Variants in PXYLP1 observed in about 807,000 individuals in gnomAD.
The protein encoded by PXYLP1 is acid phosphatase-like 2.
In PXYLP1, 17 loss-of-function variants were observed where a neutral mutation model predicts 37.9. The observed-to-expected ratio is 0.45, with a 90% CI of 0.31 to 0.67. PXYLP1 has a LOEUF of 0.67. Ranked by LOEUF, PXYLP1 falls within the 30% of genes least tolerant of loss-of-function variation. The pLI is 0.07. For missense variants in PXYLP1, 511 were observed against 612.0 expected, an observed-to-expected ratio of 0.84 and a Z score of 1.74; for synonymous variants, 221 against 232.2, an observed-to-expected ratio of 0.95 and a Z score of 0.44.
At chr3:141,281,487 C>G (rs1332487687) in intron 4 of PXYLP1, among the ~76,000 whole-genome samples, 2 of 152,190 alleles carry the variant, frequency 1.3e-5, no homozygotes, top group African/African-American at 2.4e-5. Context: ...GTGCCCAGGA[C>G]ACGGCAGCCC....
intron 1 of PXYLP1, among the ~76,000 whole-genome samples, chr3:141,232,173 C>T (rs1201910976): frequency 1.3e-5 from 2 of 152,136 alleles, no homozygotes; most frequent in Admixed American, 6.5e-5. Context: ...CCCGTGCGCC[C>T]GGTGTCCCAG....
At chr3:141,276,772 T>G (rs60025335) in intron 2 of PXYLP1, among the ~76,000 whole-genome samples, 19,495 of 152,184 alleles carry the variant, frequency 0.13, 1,580 homozygotes, top group African/African-American at 0.23. Context: ...CTCCCCATGA[T>G]GTTTGGAAGC....
At chr3:141,246,710 T>C (rs1940967457) in intron 1 of PXYLP1, among the ~76,000 whole-genome samples, 1 of 152,202 alleles carries the variant, frequency 6.6e-6, no homozygotes, top group Non-Finnish European at 1.5e-5. Flanking sequence ...GATACATGTA[T>C]AGGGAGCAAG....
intron 4 of PXYLP1, among the ~76,000 whole-genome samples, chr3:141,281,259 T>C (rs1941947385): frequency 6.6e-6 from 1 of 152,208 alleles, no homozygotes; most frequent in South Asian, 2.1e-4. Context: ...AGCCCTGTGA[T>C]GGTCCGGGGA....
rs139938375 is a variant in PXYLP1, at chr3:141,278,420, C to T, written c.158C>T (p.Thr53Met). Residue 53 changes from threonine to methionine, a missense_variant, in exon 3 of 6, where the codon ACG becomes ATG. Transcript: ENST00000286353. ...SRKRIMPDPVTEPPVTDPVYE... is the reference protein window; with the variant it reads ...SRKRIMPDPVMEPPVTDPVYE... ...AAGAGAATCATGCCCGACCCTGTGA[C>T]GGAGCCCCCTGTGACAGACCCCGTT... The T allele has an allele frequency of 6.4e-5, 104 of 1,614,094 alleles. 2 individuals carry two copies. The highest frequency in any genetic ancestry group is 6.7e-5 in the African/African-American group (5 of 74,924).
At chr3:141,234,475 G>A (rs1940612051) in intron 1 of PXYLP1, among the ~76,000 whole-genome samples, 1 of 152,182 alleles carries the variant, frequency 6.6e-6, no homozygotes, top group Non-Finnish European at 1.5e-5. Context: ...GGGAGACAGG[G>A]TACCACTTGC....
chr3:141,279,521 C>G lies in PXYLP1; in HGVS notation c.365+17C>G, dbSNP rs566040527. 1.8e-4 allele frequency: 286 copies of G among 1,614,064 alleles called. 2 individuals carry two copies. The South Asian group carries it at 3.0e-3, about 17-fold the overall frequency. On this transcript the variant is annotated intron_variant, in intron 4 of 5. Coordinates refer to ENST00000286353, the MANE Select transcript of PXYLP1 (RefSeq NM_001037172.3). Reference sequence around the variant, plus strand: ...GGCTAACAGGTAAATTGCACTTTTTCTAAAAGTCATTTTCAAGTGTCTGTT... The same window carrying G: ...GGCTAACAGGTAAATTGCACTTTTTGTAAAAGTCATTTTCAAGTGTCTGTT...
chr3:141,232,103 T>G (rs1940528801), intron 1 of PXYLP1, 192 bp downstream of exon 1: 1 of 152,104 alleles, frequency 6.6e-6, no homozygotes, highest in South Asian at 2.1e-4. Flanking sequence ...CTAAGCCTCC[T>G]CCTTTATCCC....
chr3:141,285,149 T>TC (rs1332708788), intron 4 of PXYLP1, among the ~76,000 whole-genome samples: 380 of 43,120 alleles, frequency 8.8e-3, no homozygotes, highest in African/African-American at 0.018. Context: ...TTTTTCTTTT[T>TC]TTTTTTTTTT....
At chr3:141,284,948 G>A (rs1390826308) in intron 4 of PXYLP1, among the ~76,000 whole-genome samples, 2 of 152,106 alleles carry the variant, frequency 1.3e-5, no homozygotes, top group Non-Finnish European at 2.9e-5. Context: ...ACACTTCACA[G>A]TTGAATTCAC....
At chr3:141,233,965 C>A (rs909624156) in intron 1 of PXYLP1, among the ~76,000 whole-genome samples, 1 of 152,168 alleles carries the variant, frequency 6.6e-6, no homozygotes, top group African/African-American at 2.4e-5. Context: ...GGAGCATCTT[C>A]AGGGATGGGT....
intron 1 of PXYLP1, among the ~76,000 whole-genome samples, chr3:141,252,727 A>G (rs1249979631): frequency 6.6e-6 from 1 of 152,208 alleles, no homozygotes; most frequent in African/African-American, 2.4e-5. Context: ...CCCCACAGCC[A>G]AGAGGCGGGT....
At chr3:141,268,488 C>T (rs1042057012) in intron 2 of PXYLP1, among the ~76,000 whole-genome samples, 15 of 152,180 alleles carry the variant, frequency 9.9e-5, no homozygotes, top group African/African-American at 2.9e-4. Context: ...ACCCCGCTCA[C>T]TCCCTGTTGT....
chr3:141,260,847 C>CT (rs1485892314), intron 2 of PXYLP1, among the ~76,000 whole-genome samples: 4 of 152,246 alleles, frequency 2.6e-5, no homozygotes, highest in Admixed American at 1.3e-4. Context: ...AGTGGCTGTT[C>CT]TCAGACACAG....
chr3:141,281,733 C>T (rs1941960928), intron 4 of PXYLP1, among the ~76,000 whole-genome samples: 1 of 152,136 alleles, frequency 6.6e-6, no homozygotes, highest in Non-Finnish European at 1.5e-5. Context: ...GCAAGTCAGG[C>T]AGAAGCTGGT....
chr3:141,270,727 G>T (rs910147252), intron 2 of PXYLP1, among the ~76,000 whole-genome samples: 11 of 152,218 alleles, frequency 7.2e-5, no homozygotes, highest in Non-Finnish European at 1.5e-4. Context: ...TAAAATTGGA[G>T]TGGCCAAGAG....
intron 4 of PXYLP1, among the ~76,000 whole-genome samples, chr3:141,281,276 G>A (rs115004589): frequency 0.011 from 1,743 of 152,296 alleles, 27 homozygotes; most frequent in African/African-American, 0.039. Flanking sequence ...GGGACAGAGC[G>A]TTCCCTATGG....
At chr3:141,259,379 T>C (rs1941339349) in intron 1 of PXYLP1, among the ~76,000 whole-genome samples, 3 of 138,208 alleles carry the variant, frequency 2.2e-5, no homozygotes, top group South Asian at 2.5e-4. Flanking sequence ...GTAGAAGTTA[T>C]AGTAGTCATT....
At chr3:141,273,327 C>T (rs1941714279) in intron 2 of PXYLP1, 1 of 985,312 alleles carries the variant, frequency 1.0e-6, no homozygotes, top group African/African-American at 1.7e-5. Context: ...CCTTAGGTAA[C>T]TCCCTTGACC....
Sources: gnomAD v4.1 joint callset for allele counts (sites outside exome capture counted in the v4.1 genomes callset) on GRCh38, gnomAD v4.1.1 for gene constraint, MANE v1.5 for transcripts, NCBI Gene and HGNC (gene_info 2026-07-23, HGNC 2026-07-21) for gene names.